Variants in DPP10 observed in about 807,000 individuals in gnomAD.
DPP10 encodes dipeptidyl peptidase like 10, also known as inactive dipeptidyl peptidase 10.
Under a neutral mutation model 120.9 loss-of-function variants are expected in DPP10, and 33 were observed. That is an observed-to-expected ratio of 0.27 (90% CI 0.21 to 0.37). The LOEUF (loss-of-function observed/expected upper bound fraction) is 0.37. DPP10 is among the 10% of genes least tolerant of loss of function. The probability of loss-of-function intolerance (pLI) is 1.00; values close to 1 mark genes in which losing one functional copy is unlikely to be tolerated. For synonymous variants in DPP10, 337 were observed against 326.1 expected (o/e 1.03, Z -0.36); for missense variants, 816 against 942.8 (o/e 0.87, Z 1.76).
At chr2:115,749,772 C>A (rs1461525271) in intron 10 of DPP10, among the ~76,000 whole-genome samples, 1 of 152,176 alleles carries the variant, frequency 6.6e-6, no homozygotes, top group African/African-American at 2.4e-5. Flanking sequence ...AGTAACTACA[C>A]CGCACAAATA....
intron 1 of DPP10, among the ~76,000 whole-genome samples, chr2:114,930,043 C>G (rs1469821057): frequency 2.0e-5 from 3 of 152,172 alleles, no homozygotes; most frequent in Non-Finnish European, 4.4e-5. Context: ...GAAATTGGAA[C>G]CCCAAACATG....
At chr2:115,829,163 A>G (rs1049893742) in intron 21 of DPP10, among the ~76,000 whole-genome samples, 1 of 152,102 alleles carries the variant, frequency 6.6e-6, no homozygotes, top group African/African-American at 2.4e-5. Context: ...ATGAGTATTT[A>G]TTATGTTTTC....
intron 1 of DPP10, among the ~76,000 whole-genome samples, chr2:115,140,591 C>A (rs1000384348): frequency 3.3e-5 from 5 of 152,166 alleles, no homozygotes; most frequent in East Asian, 1.9e-4. Flanking sequence ...AGGAAGACAA[C>A]AACAAGCTGT....
At chr2:115,026,577 T>C (rs980066046) in intron 1 of DPP10, among the ~76,000 whole-genome samples, 2 of 152,094 alleles carry the variant, frequency 1.3e-5, no homozygotes, top group Non-Finnish European at 2.9e-5. Context: ...ACTCTGTCAC[T>C]CAGGCTGGAG....
chr2:115,381,199 G>A (rs534684392), intron 3 of DPP10, among the ~76,000 whole-genome samples: 12 of 152,228 alleles, frequency 7.9e-5, no homozygotes, highest in Non-Finnish European at 1.3e-4. Context: ...CCAATCAGTC[G>A]TAGATTTGGT....
intron 1 of DPP10, among the ~76,000 whole-genome samples, chr2:115,040,556 T>G (rs1391037641): frequency 6.6e-6 from 1 of 151,570 alleles, no homozygotes; most frequent in Non-Finnish European, 1.5e-5. Context: ...TTTGGTTTTC[T>G]GTGATCACCT....
intron 7 of DPP10, among the ~76,000 whole-genome samples, chr2:115,703,843 G>T (rs1370589239): frequency 1.3e-5 from 2 of 151,834 alleles, no homozygotes; most frequent in Admixed American, 6.6e-5. Flanking sequence ...GAGAACTCAA[G>T]AAATAATAGC....
At chr2:114,900,153 A>C (rs545379850) in intron 1 of DPP10, among the ~76,000 whole-genome samples, 5 of 152,322 alleles carry the variant, frequency 3.3e-5, no homozygotes, top group Admixed American at 2.0e-4. Context: ...TGTGATAGTC[A>C]ATAACAACGT....
intron 3 of DPP10, among the ~76,000 whole-genome samples, chr2:115,494,090 A>G (rs555771307): frequency 7.2e-4 from 109 of 152,178 alleles, no homozygotes; most frequent in African/African-American, 2.5e-3. Context: ...CTGGGACTAC[A>G]GGTGTGCACC....
At chr2:114,462,819 T>G (rs1255726799) in intron 1 of DPP10, among the ~76,000 whole-genome samples, 1 of 152,216 alleles carries the variant, frequency 6.6e-6, no homozygotes, top group Non-Finnish European at 1.5e-5. Flanking sequence ...ATAAATTATT[T>G]AAAATTCTTC....
At chr2:115,402,750 C>A (rs2068164210) in intron 3 of DPP10, among the ~76,000 whole-genome samples, 1 of 147,758 alleles carries the variant, frequency 6.8e-6, no homozygotes, top group Non-Finnish European at 1.5e-5. Context: ...TCAAACCATT[C>A]AAAAAAACTG....
chr2:115,237,948 T>C (rs753699383), intron 1 of DPP10, among the ~76,000 whole-genome samples: 12 of 152,226 alleles, frequency 7.9e-5, no homozygotes, highest in South Asian at 4.1e-4. Context: ...AGTGCTGTTA[T>C]AGAAATCACA....
chr2:115,510,506 A>G (rs1218307615), intron 4 of DPP10, among the ~76,000 whole-genome samples: 1 of 152,034 alleles, frequency 6.6e-6, no homozygotes, highest in Non-Finnish European at 1.5e-5. Flanking sequence ...CTATTAATCT[A>G]TATGTTTATC....
At position 115,027,629 on chromosome 2, in the gene DPP10, A is replaced by T. The variant is rs188778574; in HGVS notation, c.61-281610A>T. The stretch of plus-strand genomic sequence containing the variant: ...TGTGTTTTTCTGGTTTTGGTATCTC[A>T]GTAATCCTGGCCTTATAAAATAAGT... On this transcript the variant is annotated intron_variant, in intron 1 of 25. Transcript: ENST00000410059. Among the ~76,000 whole-genome samples the T allele has an allele frequency of 2.4e-4, 37 of 152,214 alleles. No individual in the cohort carries two copies. In the East Asian group the frequency reaches 6.4e-3, roughly 26 times the overall value.
chr2:114,742,106 A>G (rs114458409), intron 1 of DPP10, among the ~76,000 whole-genome samples: 4 of 152,204 alleles, frequency 2.6e-5, no homozygotes, highest in Non-Finnish European at 5.9e-5. Context: ...ACATTTTTAC[A>G]TATGTGCACA....
At chr2:114,971,389 T>C (rs988170411) in intron 1 of DPP10, among the ~76,000 whole-genome samples, 1 of 152,100 alleles carries the variant, frequency 6.6e-6, no homozygotes, top group Non-Finnish European at 1.5e-5. Flanking sequence ...CAGAAAAGGG[T>C]TTTTTTAATC....
intron 1 of DPP10, among the ~76,000 whole-genome samples, chr2:115,155,524 A>T (rs933667258): frequency 1.3e-5 from 2 of 152,174 alleles, no homozygotes; most frequent in African/African-American, 4.8e-5. Flanking sequence ...CTGAAGGGTG[A>T]TTTTCTAGTC....
At chr2:115,732,655 C>T (rs1289135107) in intron 8 of DPP10, among the ~76,000 whole-genome samples, 2 of 152,034 alleles carry the variant, frequency 1.3e-5, no homozygotes, top group Non-Finnish European at 2.9e-5. Flanking sequence ...TTTACAGCTA[C>T]CCACTTCACA....
chr2:114,528,458 G>A (rs1479677824), intron 1 of DPP10, among the ~76,000 whole-genome samples: 1 of 151,924 alleles, frequency 6.6e-6, no homozygotes, highest in African/African-American at 2.4e-5. Context: ...CCTAACTCTA[G>A]CTGGATGCTC....
Sources: allele counts gnomAD v4.1 joint callset (sites outside exome capture counted in the v4.1 genomes callset), GRCh38; gene constraint gnomAD v4.1.1; transcripts MANE v1.5; gene names NCBI Gene and HGNC (gene_info 2026-07-23, HGNC 2026-07-21).